The following UGT1A4 variants were observed in gnomAD, a reference collection of about 807,000 sequenced individuals.
The protein encoded by UGT1A4 is UDP-glucuronosyltransferase 1A4.
UGT1A4 carries 32 observed loss-of-function variants against 41.1 expected under a neutral mutation model. The observed-to-expected ratio is 0.78, with a 90% CI of 0.59 to 1.05. The LOEUF (loss-of-function observed/expected upper bound fraction) is 1.05. Among genes scored for constraint, UGT1A4 ranks in the 50% least tolerant of loss-of-function variants. The probability of loss-of-function intolerance (pLI) is 0.00; values close to 1 mark genes in which losing one functional copy is unlikely to be tolerated. For synonymous variants in UGT1A4, 283 were observed against 265.1 expected (o/e 1.07, Z -0.66); for missense variants, 748 against 677.4 (o/e 1.10, Z -1.16).
intron 1 of UGT1A4, chr2:233,752,371 G>C (rs1694955006): frequency 6.6e-6 from 1 of 152,082 alleles, no homozygotes; most frequent in Non-Finnish European, 1.5e-5. Flanking sequence ...GTCTCAAGAG[G>C]GTCATCTTTG....
intron 1 of UGT1A4, among the ~76,000 whole-genome samples, chr2:233,748,582 G>T (rs1210700498): frequency 4.6e-5 from 7 of 151,806 alleles, no homozygotes; most frequent in Non-Finnish European, 1.0e-4. Flanking sequence ...TAAAGAGGTT[G>T]ACTCAGTTCA....
In UGT1A4 at chr2:233,719,270, A is replaced by T. The variant is rs775879041; in HGVS notation, c.450A>T (p.Leu150Phe). ...HLNATSFDVV[L>F]TDPVNLCGAV... ...ATGCTACTTCCTTTGATGTGGTTTT[A>T]ACAGACCCCGTTAACCTCTGTGGGG... is the stretch of plus-strand genomic sequence containing the variant. The change falls in exon 1 of 5, where the codon TTA (leucine) becomes TTT (phenylalanine). Residue 150 changes from leucine to phenylalanine, a missense_variant. Transcript: ENST00000373409. 6.2e-7 allele frequency: 1 copy of T among 1,614,088 alleles called. No homozygotes were observed. Among genetic ancestry groups the T allele is most frequent in the South Asian group, 1.1e-5 (1 of 91,072 alleles).
At position 233,761,035 on chromosome 2, in the gene UGT1A4, T is replaced by C. The variant is rs57307513; in HGVS notation, c.868-5999T>C. On this transcript the variant is annotated intron_variant, in intron 1 of 4. Transcript: ENST00000373409. ...GGTGACTGTCCAGGACCTATTGAGC[T>C]CTGCATCTGTCTGGCTGTTTAGAAG... The C allele has an allele frequency of 4.4e-4, 717 of 1,614,210 alleles. No individual in the cohort carries two copies. Among genetic ancestry groups the C allele is most frequent in the Non-Finnish European group, 5.5e-4 (645 of 1,180,032 alleles).
At chr2:233,762,315 G>A (rs565893517) in intron 1 of UGT1A4, among the ~76,000 whole-genome samples, 4 of 152,216 alleles carry the variant, frequency 2.6e-5, no homozygotes, top group Non-Finnish European at 4.4e-5. Flanking sequence ...TTAATGGGTC[G>A]AGAGTAATCC....
chr2:233,741,224 C>T lies in UGT1A4; in HGVS notation c.867+21537C>T, dbSNP rs565131356. ...AAAACTAGCCAGAGTTGTTACAGAC[C>T]CACTACCTCTGAGTGACACTGGTAT... On this transcript the variant is annotated intron_variant, in intron 1 of 4. Transcript: ENST00000373409. Among the ~76,000 whole-genome samples, 4 of 151,908 alleles carry T rather than the reference C, an allele frequency of 2.6e-5. No individual in the cohort carries two copies. The South Asian group carries it at 8.3e-4, about 32-fold the overall frequency.
rs146146688 is a variant in UGT1A4, at chr2:233,719,081, G to A, written c.261G>A (p.Lys87=). Residue 87 remains lysine, a synonymous_variant, in exon 1 of 5, where the codon AAG becomes AAA. Coordinates refer to ENST00000373409, the MANE Select transcript of UGT1A4 (RefSeq NM_007120.3). Reference sequence around the variant, plus strand: ...CCTATGCTGTTCCATGGACCCAGAAGGAATTTGATCGCGTTACGCTGGGCT... The same window carrying A: ...CCTATGCTGTTCCATGGACCCAGAAAGAATTTGATCGCGTTACGCTGGGCT... ...LTAYAVPWTQ[K]EFDRVTLGYT... is the part of the protein sequence containing the mutation. 3 of 1,614,150 alleles carry A rather than the reference G, an allele frequency of 1.9e-6. No individual in the cohort carries two copies. Among genetic ancestry groups the A allele is most frequent in the Non-Finnish European group, 2.5e-6 (3 of 1,180,052 alleles).
At chr2:233,745,164 A>G (rs2125868449) in intron 1 of UGT1A4, among the ~76,000 whole-genome samples, 1 of 151,968 alleles carries the variant, frequency 6.6e-6, no homozygotes, top group South Asian at 2.1e-4. Context: ...TCAAATGTGC[A>G]TGTTATTCAC....
At position 233,767,164 on chromosome 2, in the gene UGT1A4, C is replaced by G. The variant is rs1699322267; in HGVS notation, c.998C>G (p.Thr333Arg). ...GATGCTTTGGGCAAAATCCCTCAGA[C>G]AGTAAGAAGATTCTATACCATGGCC... is the stretch of plus-strand genomic sequence containing the variant. Reference protein sequence around the residue: ...IADALGKIPQTVLWRYTGTRP... With the variant: ...IADALGKIPQRVLWRYTGTRP... The change falls in exon 2 of 5, where the codon ACA (threonine) becomes AGA (arginine). Residue 333 changes from threonine (T) to arginine (R), a missense_variant and splice_region_variant. Transcript: ENST00000373409. The G allele has an allele frequency of 6.2e-7, 1 of 1,614,090 alleles. No homozygotes were observed.
At chr2:233,757,520 A>G (rs1696548795) in intron 1 of UGT1A4, among the ~76,000 whole-genome samples, 1 of 144,544 alleles carries the variant, frequency 6.9e-6, no homozygotes. Flanking sequence ...CAAAGCCAAA[A>G]TCTTGCCTGT....
rs768211852 is a variant in UGT1A4 at position 233,729,747 on chromosome 2, C to T, written c.867+10060C>T. 3.1e-6 allele frequency: 5 copies of T among 1,614,002 alleles called. No individual in the cohort carries two copies. The South Asian group carries it at 4.4e-5, about 14-fold the overall frequency. The stretch of plus-strand genomic sequence containing the variant: ...CAACCAATTCAGACCACATGACATT[C>T]ATGCAAAGGGTCAAGAACATGCTCT... On this transcript the variant is annotated intron_variant, in intron 1 of 4. Coordinates refer to ENST00000373409, the MANE Select transcript of UGT1A4 (RefSeq NM_007120.3).
Position 233,767,921 on chromosome 2 carries a change from C to T in UGT1A4, c.1072C>T (p.Gln358Ter), listed in dbSNP as rs72551350. 5.6e-6 allele frequency: 9 copies of T among 1,614,068 alleles called. No homozygotes were observed. Among genetic ancestry groups the T allele is most frequent in the Non-Finnish European group, 7.6e-6 (9 of 1,180,058 alleles). ...NNTILVKWLP[Q>*]NDLLGHPMTR... ...CACGATACTTGTTAAGTGGCTACCC[C>T]AAAACGATCTGCTTGGTATGTTGGG... The change falls in exon 3 of 5, where the codon CAA becomes TAA. Residue 358 changes from glutamine (Q) to a stop codon, truncating the protein, a stop_gained. Coordinates refer to ENST00000373409, the MANE Select transcript of UGT1A4 (RefSeq NM_007120.3). LOFTEE classifies it high-confidence loss of function.
intron 1 of UGT1A4, chr2:233,747,633 C>T (rs1217240528): frequency 4.9e-5 from 78 of 1,580,658 alleles, no homozygotes; most frequent in Non-Finnish European, 6.7e-5. Flanking sequence ...GATCAGGCAC[C>T]TGAATGCTAC....
At chr2:233,752,054 T>C (rs778755699) in intron 1 of UGT1A4, among the ~76,000 whole-genome samples, 4 of 152,312 alleles carry the variant, frequency 2.6e-5, no homozygotes, top group South Asian at 4.2e-4. Flanking sequence ...GTGTGAATGA[T>C]TTCCCGAGAT....
chr2:233,752,595 T>A (rs1013400964), intron 1 of UGT1A4: 3 of 152,218 alleles, frequency 2.0e-5, no homozygotes, highest in Non-Finnish European at 2.9e-5. Context: ...CTACAAGATT[T>A]TTTTTAAAAA....
At chr2:233,758,396 C>T (rs560244610) in intron 1 of UGT1A4, among the ~76,000 whole-genome samples, 1 of 152,294 alleles carries the variant, frequency 6.6e-6, no homozygotes, top group South Asian at 2.1e-4. Flanking sequence ...GTGTTTATAG[C>T]CCCTTTACTG....
At chr2:233,737,246 C>G (rs535872842) in intron 1 of UGT1A4, among the ~76,000 whole-genome samples, 2 of 152,238 alleles carry the variant, frequency 1.3e-5, no homozygotes, top group Non-Finnish European at 2.9e-5. Flanking sequence ...TGTTTACCTA[C>G]TCAAGCCTCA....
At chr2:233,743,564 G>A (rs772866173) in intron 1 of UGT1A4, 83 of 1,367,154 alleles carry the variant, frequency 6.1e-5, no homozygotes, top group Non-Finnish European at 7.6e-5. Context: ...ATTCTCCAGC[G>A]GGTTTCCCAA....
Position 233,769,638 on chromosome 2 carries a change from A to C in UGT1A4, c.1307+1199A>C. 1 of 1,610,122 alleles carries C rather than the reference A, an allele frequency of 6.2e-7. No homozygotes were observed. On this transcript the variant is annotated intron_variant, in intron 4 of 4. Transcript: ENST00000373409. This position sits in a 1 kb window ranked among gnomAD's most constrained non-coding sequence, Gnocchi z 4.4. ...CTTGAGCAAGGGACAACAGGGGAGGACTGATGACTGACTTCCCACCTTTGA... is the reference window on the plus strand; with the variant it reads ...CTTGAGCAAGGGACAACAGGGGAGGCCTGATGACTGACTTCCCACCTTTGA...
chr2:233,721,741 A>C, intron 1 of UGT1A4: 1 of 434,764 alleles, frequency 2.3e-6, no homozygotes, highest in Non-Finnish European at 4.6e-6. Context: ...CTTAATGATG[A>C]GAGAATCTAC....
Sources: allele counts gnomAD v4.1 joint callset (sites outside exome capture counted in the v4.1 genomes callset), GRCh38; gene constraint gnomAD v4.1.1; non-coding constraint Gnocchi (gnomAD v3.1); transcripts MANE v1.5; gene names NCBI Gene and HGNC (gene_info 2026-07-23, HGNC 2026-07-21).